The following RTTN variants were observed in gnomAD, a reference collection of about 807,000 sequenced individuals.
RTTN encodes rotatin.
Under a neutral mutation model 269.2 loss-of-function variants are expected in RTTN, and 182 were observed. The observed-to-expected ratio is 0.68, with a 90% CI of 0.60 to 0.76. RTTN has a LOEUF of 0.76. Ranked by LOEUF, RTTN falls within the 30% of genes least tolerant of loss-of-function variation. The pLI is 0.00. For synonymous variants in RTTN, 1,006 were observed against 963.5 expected, an observed-to-expected ratio of 1.04 and a Z score of -0.82; for missense variants, 2,545 against 2,608.6, an observed-to-expected ratio of 0.98 and a Z score of 0.53.
intron 25 of RTTN, 104 bp from the exon 26 acceptor site, chr18:70,121,804 AT>A: frequency 9.3e-7 from 1 of 1,077,236 alleles, no homozygotes; most frequent in Non-Finnish European, 1.3e-6. Flanking sequence ...TGAGGATGCT[AT>A]TTTATGAGAC....
chr18:70,020,026 T>C (rs2056655961), intron 45 of RTTN: 1 of 152,250 alleles, frequency 6.6e-6, no homozygotes, highest in African/African-American at 2.4e-5. Flanking sequence ...GGATTCTGTT[T>C]ATACACATCT....
chr18:70,085,882 A>C (rs554391380), intron 32 of RTTN, among the ~76,000 whole-genome samples: 101 of 152,262 alleles, frequency 6.6e-4, no homozygotes, highest in Non-Finnish European at 1.2e-3. Context: ...AATGTTCAAT[A>C]TTTGGGTAAT....
chr18:70,060,046 T>C lies in RTTN; in HGVS notation c.4748-4A>G, dbSNP rs751874531. On this transcript the variant is annotated splice_region_variant and splice_polypyrimidine_tract_variant and intron_variant, in intron 35 of 48. Coordinates refer to ENST00000640769, the MANE Select transcript of RTTN (RefSeq NM_173630.4). The stretch of plus-strand genomic sequence containing the variant: ...GGTGATGTACTTTCCTGGTGACCTA[T>C]TATTGAAAATAAACATAAGAATTAT... The C allele has an allele frequency of 1.1e-5, 18 of 1,599,748 alleles. No individual in the cohort carries two copies. The highest frequency in any genetic ancestry group is 1.5e-5 in the Non-Finnish European group (18 of 1,172,722).
rs980179887 is a variant in RTTN, at chr18:70,024,851, G to A, written c.5824-3C>T. ...AGGTGAGCTTCAAGAGCTGCTTCCT[G>A]TTGAAGGAAGGGAAAAAGACAGCAT... On this transcript the variant is annotated splice_region_variant and splice_polypyrimidine_tract_variant and intron_variant, in intron 43 of 48. Coordinates refer to ENST00000640769, the MANE Select transcript of RTTN (RefSeq NM_173630.4). The A allele has an allele frequency of 1.2e-6, 2 of 1,611,922 alleles. No homozygotes were observed. Among genetic ancestry groups the A allele is most frequent in the Admixed American group, 1.7e-5 (1 of 59,556 alleles).
intron 42 of RTTN, among the ~76,000 whole-genome samples, chr18:70,029,398 T>C (rs1397565503): frequency 6.6e-6 from 1 of 152,180 alleles, no homozygotes; most frequent in Non-Finnish European, 1.5e-5. Flanking sequence ...CAGTAGTTAT[T>C]ATATAACTAT....
In RTTN at chr18:70,167,048, A is replaced by G. The variant is rs753032669; in HGVS notation, c.1690-17T>C. 3.9e-6 allele frequency: 6 copies of G among 1,519,350 alleles called. No homozygotes were observed. Among genetic ancestry groups the G allele is most frequent in the Non-Finnish European group, 5.5e-6 (6 of 1,095,530 alleles). The allele number at this position is 1,519,350 out of a possible 1,614,324, so 94.1% of individuals were successfully genotyped here. A position where few individuals can be genotyped will look rare whatever the true frequency, so the allele number is the denominator to read the frequency against. Reference sequence around the variant, plus strand: ...CTTCTCTCCCTACAAAAGAAGCAGAATGGAACAATAAATGTCAAGTTCATG... The same window carrying G: ...CTTCTCTCCCTACAAAAGAAGCAGAGTGGAACAATAAATGTCAAGTTCATG... On this transcript the variant is annotated splice_polypyrimidine_tract_variant and intron_variant, in intron 12 of 48. Coordinates refer to ENST00000640769, the MANE Select transcript of RTTN (RefSeq NM_173630.4).
At chr18:70,072,379 T>C (rs1194376592) in intron 34 of RTTN, among the ~76,000 whole-genome samples, 1 of 152,170 alleles carries the variant, frequency 6.6e-6, no homozygotes, top group African/African-American at 2.4e-5. Context: ...CTGTGTTACA[T>C]TCAAACACAA....
chr18:70,108,348 T>A (rs1156317152), intron 28 of RTTN, among the ~76,000 whole-genome samples: 3 of 151,968 alleles, frequency 2.0e-5, no homozygotes, highest in African/African-American at 7.2e-5. Flanking sequence ...CCAAGATTGT[T>A]TCACGATCAA....
intron 17 of RTTN, among the ~76,000 whole-genome samples, chr18:70,146,644 G>A (rs2060400755): frequency 6.6e-6 from 1 of 152,122 alleles, no homozygotes; most frequent in African/African-American, 2.4e-5. Flanking sequence ...TTGAGCCCCT[G>A]TATCATAACT....
chr18:70,010,886 T>C (rs367652970), intron 46 of RTTN, among the ~76,000 whole-genome samples: 81 of 151,938 alleles, frequency 5.3e-4, no homozygotes, highest in African/African-American at 1.9e-3. Flanking sequence ...ATAGACACAA[T>C]AAAAAATGAT....
At chr18:70,136,112 T>C (rs1244253625) in intron 21 of RTTN, among the ~76,000 whole-genome samples, 1 of 152,060 alleles carries the variant, frequency 6.6e-6, no homozygotes, top group African/African-American at 2.4e-5. Flanking sequence ...TGATTAAAAA[T>C]AGCCATAAAC....
At chr18:70,179,273 C>T (rs2061368221) in intron 10 of RTTN, among the ~76,000 whole-genome samples, 1 of 152,134 alleles carries the variant, frequency 6.6e-6, no homozygotes, top group South Asian at 2.1e-4. Context: ...ATTAATTCCT[C>T]CATACAGTAT....
chr18:70,011,194 T>C (rs541362534), intron 46 of RTTN, among the ~76,000 whole-genome samples: 83 of 152,298 alleles, frequency 5.4e-4, no homozygotes, highest in Admixed American at 1.4e-3. Flanking sequence ...TCTGAAACTA[T>C]TCCAATCAAT....
rs767530537 is a variant in RTTN, at chr18:70,114,530, G to C, written c.3598C>G (p.Arg1200Gly). Residue 1200 changes from arginine to glycine, a missense_variant, in exon 27 of 49, where the codon CGG becomes GGG. Coordinates refer to ENST00000640769, the MANE Select transcript of RTTN (RefSeq NM_173630.4). ...SQAREETDDIRTAVRQQLQKE... is the reference protein window; with the variant it reads ...SQAREETDDIGTAVRQQLQKE... ...TGAAGTTGTTGCCTGACAGCAGTCC[G>C]GATATCATCTGTTTCTTCTCGTGCC... 6.2e-7 allele frequency: 1 copy of C among 1,613,626 alleles called. No individual in the cohort carries two copies. Among genetic ancestry groups the C allele is most frequent in the South Asian group, 1.1e-5 (1 of 91,046 alleles).
intron 19 of RTTN, among the ~76,000 whole-genome samples, chr18:70,141,377 T>C (rs754166956): frequency 6.6e-6 from 1 of 152,176 alleles, no homozygotes; most frequent in Non-Finnish European, 1.5e-5. Flanking sequence ...CAAACAAAGC[T>C]AACAGTGTAT....
intron 25 of RTTN, among the ~76,000 whole-genome samples, chr18:70,123,301 A>G (rs1366405894): frequency 6.6e-6 from 1 of 152,138 alleles, no homozygotes; most frequent in Non-Finnish European, 1.5e-5. Context: ...AATCAGGCTA[A>G]TTAACATACC....
Position 70,024,912 on chromosome 18 carries a change from AAAC to A in RTTN, c.5824-67_5824-65del. 4.5e-6 allele frequency: 7 copies of A among 1,552,220 alleles called. No homozygotes were observed. In the East Asian group the frequency reaches 9.1e-5, roughly 20 times the overall value. ...ATATGAAAATATAACATTAAAATCAAAACAACAACAGAAAGCCATCAACATAAG... is the reference window on the plus strand; with the variant it reads ...ATATGAAAATATAACATTAAAATCAAAACAACAGAAAGCCATCAACATAAG... On this transcript the variant is annotated intron_variant, in intron 43 of 48. Coordinates refer to ENST00000640769, the MANE Select transcript of RTTN (RefSeq NM_173630.4).
chr18:70,205,412 C>T, intron 1 of RTTN, 97 bp from the exon 2 acceptor site: 1 of 1,500,510 alleles, frequency 6.7e-7, no homozygotes, highest in Non-Finnish European at 9.1e-7. Context: ...CGGAATAAAC[C>T]AGTTTTTTTC....
In RTTN at chr18:70,006,392, T is replaced by C. The variant is rs774205388; in HGVS notation, c.6514A>G (p.Asn2172Asp). Residue 2172 changes from asparagine to aspartate, a missense_variant, in exon 47 of 49, where the codon AAT (asparagine) becomes GAT (aspartate). Physicochemically the swap from Asn to Asp is conservative, Grantham distance 23 (BLOSUM62 1). Transcript: ENST00000640769. ...GAAALWALIY[N>D]YQKAKTALKS... is the part of the protein sequence containing the mutation. Reference sequence around the variant, plus strand: ...TTTTTAAAACTGACCTTCTGATAATTGTAAATCAGAGCCCAAAGGGCAGCT... The same window carrying C: ...TTTTTAAAACTGACCTTCTGATAATCGTAAATCAGAGCCCAAAGGGCAGCT... 1 of 1,612,784 alleles carries C rather than the reference T, an allele frequency of 6.2e-7. No homozygotes were observed. Among genetic ancestry groups the C allele is most frequent in the Admixed American group, 1.7e-5 (1 of 60,024 alleles).
Sources: allele counts gnomAD v4.1 joint callset (sites outside exome capture counted in the v4.1 genomes callset), GRCh38; gene constraint gnomAD v4.1.1; transcripts MANE v1.5; gene names NCBI Gene and HGNC (gene_info 2026-07-23, HGNC 2026-07-21).